FLRT2: variants seen among roughly 807,000 people sequenced by gnomAD.
The protein encoded by FLRT2 is leucine-rich repeat transmembrane protein FLRT2.
In FLRT2, 15 loss-of-function variants were observed where a neutral mutation model predicts 40.0. The ratio of observed to expected loss-of-function variants is 0.38; its 90% CI spans 0.25 to 0.58. The LOEUF (loss-of-function observed/expected upper bound fraction) is 0.58. Among genes scored for constraint, FLRT2 ranks in the 20% least tolerant of loss-of-function variants. FLRT2 has a pLI of 0.71. For synonymous variants in FLRT2, 380 were observed against 336.8 expected (o/e 1.13, Z -1.41); for missense variants, 726 against 840.0 (o/e 0.86, Z 1.68).
chr14:85,612,906 A>G (rs910748312), intron 1 of FLRT2, among the ~76,000 whole-genome samples: 14 of 152,218 alleles, frequency 9.2e-5, no homozygotes, highest in African/African-American at 3.4e-4. Flanking sequence ...CGAAATGTGT[A>G]TTCCTCTTGT....
At chr14:85,554,275 G>A (rs1278504687) in intron 1 of FLRT2, among the ~76,000 whole-genome samples, 1 of 152,198 alleles carries the variant, frequency 6.6e-6, no homozygotes, top group Admixed American at 6.5e-5. Flanking sequence ...ATTTAACAAA[G>A]TCATGTCACA....
At chr14:85,534,048 C>T (rs1470046535) in intron 1 of FLRT2, among the ~76,000 whole-genome samples, 5 of 150,516 alleles carry the variant, frequency 3.3e-5, no homozygotes, top group African/African-American at 1.2e-4. Context: ...GCTCCCGCTT[C>T]CTCCCAGAGC....
chr14:85,588,340 C>G (rs1200684843), intron 1 of FLRT2, among the ~76,000 whole-genome samples: 1 of 152,072 alleles, frequency 6.6e-6, no homozygotes, highest in Non-Finnish European at 1.5e-5. Context: ...AATTGTCTCT[C>G]GTGGTACCCT....
rs570256908 is a variant in FLRT2 at position 85,574,164 on chromosome 14, C to T, written c.-377+43630C>T. Among the ~76,000 whole-genome samples the T allele has an allele frequency of 1.8e-4, 27 of 151,926 alleles. No homozygotes were observed. The East Asian group carries it at 5.2e-3, about 29-fold the overall frequency. On this transcript the variant is annotated intron_variant, in intron 1 of 1. Coordinates refer to ENST00000330753, the MANE Select transcript of FLRT2 (RefSeq NM_013231.6). ...CAAAAATAGTTCATTCAGAATTTCC[C>T]CATGACTATTTCATTATTTTGTTAT...
chr14:85,577,184 GGCTTT>G (rs1488646758), intron 1 of FLRT2, among the ~76,000 whole-genome samples: 1 of 152,100 alleles, frequency 6.6e-6, no homozygotes, highest in African/African-American at 2.4e-5. Context: ...TGTAGTAAAA[GGCTTT>G]TGAATCTTAT....
At chr14:85,550,225 G>A (rs17643525) in intron 1 of FLRT2, among the ~76,000 whole-genome samples, 6,655 of 152,152 alleles carry the variant, frequency 0.044, 206 homozygotes, top group Admixed American at 0.086. Context: ...CTATAAACGA[G>A]AAAATAGCCA....
At chr14:85,561,885 TTTG>T (rs1890346993) in intron 1 of FLRT2, among the ~76,000 whole-genome samples, 1 of 152,212 alleles carries the variant, frequency 6.6e-6, no homozygotes, top group Non-Finnish European at 1.5e-5. Context: ...GTCTTTGTAT[TTTG>T]TTGTTGTTGT....
At chr14:85,599,406 T>C (rs1892288479) in intron 1 of FLRT2, among the ~76,000 whole-genome samples, 3 of 152,132 alleles carry the variant, frequency 2.0e-5, no homozygotes, top group Non-Finnish European at 2.9e-5. Context: ...ATACAACATA[T>C]TTCTCTTCCT....
In FLRT2 at chr14:85,647,285, AACTT is replaced by A. The variant is rs1397510987; in HGVS notation, c.*23794_*23797del. ...TGCTTAATATGCCTTATAGTTTACT[AACTT>A]ACTTAACAGAGGAGTTTTGTTTTCT... On this transcript the variant is annotated 3_prime_UTR_variant, in exon 2 of 2. Transcript: ENST00000330753. The A allele has an allele frequency of 6.6e-6, 1 of 152,196 alleles. No individual in the cohort carries two copies. The highest frequency in any genetic ancestry group is 1.5e-5 in the Non-Finnish European group (1 of 68,036). 9.4% of individuals were successfully genotyped at this position (152,196 alleles called of 1,614,324 possible).
At chr14:85,597,954 T>G (rs1296853265) in intron 1 of FLRT2, among the ~76,000 whole-genome samples, 1 of 152,220 alleles carries the variant, frequency 6.6e-6, no homozygotes, top group Non-Finnish European at 1.5e-5. Flanking sequence ...TTATTTACAG[T>G]CAGAAACATA....
chr14:85,621,494 T>C lies in FLRT2; in HGVS notation c.-21T>C. 1 of 1,558,848 alleles carries C rather than the reference T, an allele frequency of 6.4e-7. No homozygotes were observed. The highest frequency in any genetic ancestry group is 8.6e-7 in the Non-Finnish European group (1 of 1,156,314). On this transcript the variant is annotated 5_prime_UTR_variant, in exon 2 of 2. Coordinates refer to ENST00000330753, the MANE Select transcript of FLRT2 (RefSeq NM_013231.6). ...TTTTTCTTTTTCCCACCACATTGTA[T>C]TTTATTTCCGTACTTCAGAAATGGG... is the stretch of plus-strand genomic sequence containing the variant.
chr14:85,583,938 A>C (rs1281876859), intron 1 of FLRT2, among the ~76,000 whole-genome samples: 1 of 151,426 alleles, frequency 6.6e-6, no homozygotes, highest in Non-Finnish European at 1.5e-5. Context: ...CAGCCTGGGC[A>C]ATGTAGCAAG....
chr14:85,616,662 G>A (rs1028444340), intron 1 of FLRT2, among the ~76,000 whole-genome samples: 8 of 152,296 alleles, frequency 5.3e-5, no homozygotes, highest in South Asian at 4.1e-4. Flanking sequence ...TTTGCCTGCA[G>A]TGTTTTTCCT....
chr14:85,571,286 C>T (rs189835528), intron 1 of FLRT2, among the ~76,000 whole-genome samples: 1 of 152,046 alleles, frequency 6.6e-6, no homozygotes, highest in Non-Finnish European at 1.5e-5. Flanking sequence ...GAAATTATCA[C>T]CTTATATAAT....
intron 1 of FLRT2, among the ~76,000 whole-genome samples, chr14:85,583,598 C>T (rs779008715): frequency 2.0e-5 from 3 of 152,176 alleles, no homozygotes; most frequent in Non-Finnish European, 4.4e-5. Context: ...CAGCCCTGGA[C>T]TCCTACAGGA....
At chr14:85,614,123 A>ATTTT (rs1351258422) in intron 1 of FLRT2, among the ~76,000 whole-genome samples, 1 of 152,106 alleles carries the variant, frequency 6.6e-6, no homozygotes. Flanking sequence ...TAATACTATT[A>ATTTT]TTTTCTCCAT....
intron 1 of FLRT2, among the ~76,000 whole-genome samples, chr14:85,586,693 TACAC>T (rs59496302): frequency 4.0e-5 from 6 of 150,302 alleles, no homozygotes; most frequent in East Asian, 3.9e-4. Flanking sequence ...AATATATATG[TACAC>T]ACACACACAC....
rs1255075805 is a variant in FLRT2 at position 85,637,750 on chromosome 14, T to A, written c.*14253T>A. The A allele has an allele frequency of 6.6e-6, 1 of 152,250 alleles. No individual in the cohort carries two copies. The highest frequency in any genetic ancestry group is 1.5e-5 in the Non-Finnish European group (1 of 68,056). 9.4% of individuals were successfully genotyped at this position (152,250 alleles called of 1,614,324 possible). ...TCTATCACTTGTCTTAAAGGAAGATTTGAAACATAATAGTTTCCTTTGCGC... is the reference window on the plus strand; with the variant it reads ...TCTATCACTTGTCTTAAAGGAAGATATGAAACATAATAGTTTCCTTTGCGC... On this transcript the variant is annotated 3_prime_UTR_variant, in exon 2 of 2. Coordinates refer to ENST00000330753, the MANE Select transcript of FLRT2 (RefSeq NM_013231.6).
rs1894272301 is a variant in FLRT2, at chr14:85,645,340, A to G, written c.*21843A>G. 6.6e-6 allele frequency: 1 copy of G among 152,056 alleles called. No homozygotes were observed. The highest frequency in any genetic ancestry group is 1.5e-5 in the Non-Finnish European group (1 of 68,010). 9.4% of individuals were successfully genotyped at this position (152,056 alleles called of 1,614,324 possible). A position where few individuals can be genotyped will look rare whatever the true frequency, so the allele number is the denominator to read the frequency against. ...CATATAAATGTGTGCGTGTATATAT[A>G]TATGATTGGCTGAGTGCTCTATTTG... is the stretch of plus-strand genomic sequence containing the variant. On this transcript the variant is annotated 3_prime_UTR_variant, in exon 2 of 2. Coordinates refer to ENST00000330753, the MANE Select transcript of FLRT2 (RefSeq NM_013231.6).
Sources: gnomAD v4.1 joint callset for allele counts (sites outside exome capture counted in the v4.1 genomes callset) on GRCh38, gnomAD v4.1.1 for gene constraint, MANE v1.5 for transcripts, NCBI Gene and HGNC (gene_info 2026-07-23, HGNC 2026-07-21) for gene names.